The following SLC35F3 variants were observed in gnomAD, a reference collection of about 807,000 sequenced individuals.
SLC35F3 encodes putative thiamine transporter SLC35F3.
In SLC35F3, 25 loss-of-function variants were observed where a neutral mutation model predicts 49.9. The ratio of observed to expected loss-of-function variants is 0.50; its 90% CI spans 0.37 to 0.70. The LOEUF (loss-of-function observed/expected upper bound fraction) is 0.70. SLC35F3 is among the 30% of genes least tolerant of loss of function. SLC35F3 has a pLI of 0.00. For synonymous variants in SLC35F3, 275 were observed against 265.4 expected (o/e 1.04, Z -0.35); for missense variants, 525 against 639.8 (o/e 0.82, Z 1.94).
chr1:234,227,467 C>G (rs1572104006), intron 2 of SLC35F3, among the ~76,000 whole-genome samples: 1 of 143,370 alleles, frequency 7.0e-6, no homozygotes, highest in East Asian at 2.2e-4. Context: ...GGCGCAATCT[C>G]GGCTTACTAC....
rs10645395 is a variant in SLC35F3 at position 234,068,823 on chromosome 1, TTATATATATATATATA to T, written c.284-162576_284-162561del. On this transcript the variant is annotated intron_variant, in intron 2 of 7. Coordinates refer to ENST00000366618, the MANE Select transcript of SLC35F3 (RefSeq NM_173508.4). The stretch of plus-strand genomic sequence containing the variant: ...GAGTGACAGGATAAGATTTGAGACA[TTATATATATATATATA>T]TATATATATATATATATGGCATATT... Among the ~76,000 whole-genome samples, 28 of 71,154 alleles carry T rather than the reference TTATATATATATATATA, an allele frequency of 3.9e-4. 2 individuals carry two copies. Among genetic ancestry groups the T allele is most frequent in the East Asian group, 3.1e-3 (7 of 2,254 alleles). The allele number at this position is 71,154 out of a possible 152,430, so 46.7% of individuals were successfully genotyped here.
At chr1:234,264,548 T>C (rs1449952829) in intron 3 of SLC35F3, among the ~76,000 whole-genome samples, 1 of 152,216 alleles carries the variant, frequency 6.6e-6, no homozygotes, top group Non-Finnish European at 1.5e-5. Context: ...TTTTTGTTTT[T>C]ATTTTTTCAT....
intron 2 of SLC35F3, among the ~76,000 whole-genome samples, chr1:234,112,077 A>G (rs1009215935): frequency 6.6e-6 from 1 of 152,196 alleles, no homozygotes; most frequent in African/African-American, 2.4e-5. Flanking sequence ...GCAGTGGCTC[A>G]TGCCTGTAAA....
rs77984100 is a variant in SLC35F3, at chr1:234,073,921, G to A, written c.284-157496G>A. On this transcript the variant is annotated intron_variant, in intron 2 of 7. Coordinates refer to ENST00000366618, the MANE Select transcript of SLC35F3 (RefSeq NM_173508.4). The stretch of plus-strand genomic sequence containing the variant: ...CTGGGCCATTTTTAAGTGTGCATTC[G>A]ATCGTGTTAAGTGTCTTTATATTGT... 5.8e-3 allele frequency among the ~76,000 whole-genome samples: 888 copies of A among 152,134 alleles called. 4 individuals carry two copies. The highest frequency in any genetic ancestry group is 0.016 in the African/African-American group (679 of 41,480).
chr1:233,959,279 C>G (rs780421671), intron 2 of SLC35F3, among the ~76,000 whole-genome samples: 1 of 151,856 alleles, frequency 6.6e-6, no homozygotes, highest in Non-Finnish European at 1.5e-5. Context: ...TTAGTCTTAT[C>G]TGCAGTTCCA....
chr1:234,261,185 T>C (rs935490260), intron 3 of SLC35F3, among the ~76,000 whole-genome samples: 5 of 151,866 alleles, frequency 3.3e-5, no homozygotes, highest in African/African-American at 9.7e-5. Flanking sequence ...TTGGATCTCA[T>C]GCAAGAAAGA....
chr1:234,014,549 A>G (rs1300072968), intron 2 of SLC35F3, among the ~76,000 whole-genome samples: 6 of 152,234 alleles, frequency 3.9e-5, no homozygotes, highest in Admixed American at 3.9e-4. Context: ...CCCTGTTTGC[A>G]GATGACATGA....
chr1:234,088,034 T>G (rs1458831519), intron 2 of SLC35F3, among the ~76,000 whole-genome samples: 1 of 152,238 alleles, frequency 6.6e-6, no homozygotes, highest in Non-Finnish European at 1.5e-5. Flanking sequence ...CTTCTTTGTG[T>G]TTTCATTCCT....
At chr1:234,207,843 G>A (rs1023952280) in intron 2 of SLC35F3, among the ~76,000 whole-genome samples, 3 of 151,984 alleles carry the variant, frequency 2.0e-5, no homozygotes, top group Non-Finnish European at 2.9e-5. Context: ...CTCTACAAAA[G>A]AAATAATTTT....
intron 2 of SLC35F3, among the ~76,000 whole-genome samples, chr1:233,930,386 T>C (rs74327470): frequency 6.6e-6 from 1 of 152,156 alleles, no homozygotes. Flanking sequence ...TTTTCTTTCT[T>C]ACTGCAAAGA....
At chr1:234,292,594 G>A (rs1481678171) in intron 3 of SLC35F3, among the ~76,000 whole-genome samples, 3 of 152,240 alleles carry the variant, frequency 2.0e-5, no homozygotes, top group Admixed American at 6.5e-5. Flanking sequence ...ATAAATGTTA[G>A]AATCCCACCC....
intron 2 of SLC35F3, among the ~76,000 whole-genome samples, chr1:233,986,507 T>C (rs1316530569): frequency 6.6e-6 from 1 of 152,232 alleles, no homozygotes; most frequent in African/African-American, 2.4e-5. Context: ...CATATATGTA[T>C]ATGTATGTAT....
chr1:233,998,740 T>C (rs1366383818), intron 2 of SLC35F3, among the ~76,000 whole-genome samples: 1 of 152,122 alleles, frequency 6.6e-6, no homozygotes, highest in Non-Finnish European at 1.5e-5. Flanking sequence ...TTAATTTAAA[T>C]TTAAATAGCC....
intron 3 of SLC35F3, among the ~76,000 whole-genome samples, chr1:234,247,878 A>AGTTGGCTGGTGCATTGTTTGGTGGGTTG (rs1558272728): frequency 4.5e-4 from 3 of 6,708 alleles, no homozygotes; most frequent in Admixed American, 2.9e-3. Context: ...TTGATGGGTC[A>AGTTGGCTGGTGCATTGTTTGGTGGGTTG]GTTGGCTGGT....
At chr1:233,991,677 A>G (rs1194604898) in intron 2 of SLC35F3, among the ~76,000 whole-genome samples, 1 of 152,102 alleles carries the variant, frequency 6.6e-6, no homozygotes, top group Admixed American at 6.6e-5. Flanking sequence ...TTAGCTAATT[A>G]GTGTCTCTTT....
chr1:233,915,473 G>A (rs1661952248), intron 2 of SLC35F3, among the ~76,000 whole-genome samples: 1 of 152,134 alleles, frequency 6.6e-6, no homozygotes, highest in Non-Finnish European at 1.5e-5. Flanking sequence ...TTGAGTCCAG[G>A]ATCTCAAGGC....
chr1:234,181,731 T>C (rs1207348338), intron 2 of SLC35F3, among the ~76,000 whole-genome samples: 1 of 152,246 alleles, frequency 6.6e-6, no homozygotes, highest in African/African-American at 2.4e-5. Context: ...GATAATTAGA[T>C]GTAATTAGAT....
intron 2 of SLC35F3, among the ~76,000 whole-genome samples, chr1:234,149,551 C>A (rs1254250301): frequency 6.6e-6 from 1 of 152,210 alleles, no homozygotes; most frequent in African/African-American, 2.4e-5. Context: ...GTACTCCTAT[C>A]CATCAGTTCA....
chr1:234,121,381 G>A (rs12144698), intron 2 of SLC35F3, among the ~76,000 whole-genome samples: 29,473 of 151,396 alleles, frequency 0.19, 3,446 homozygotes, highest in Non-Finnish European at 0.27. Context: ...CTCGTGATCC[G>A]CCCGCCTCGG....
Sources: allele counts gnomAD v4.1 joint callset (sites outside exome capture counted in the v4.1 genomes callset), GRCh38; gene constraint gnomAD v4.1.1; transcripts MANE v1.5; gene names NCBI Gene and HGNC (gene_info 2026-07-23, HGNC 2026-07-21).